The following KIAA1217 variants were observed in gnomAD, a reference collection of about 807,000 sequenced individuals.
KIAA1217 encodes sickle tail protein homolog.
A neutral mutation model predicts 163.9 loss-of-function variants in KIAA1217; 88 were observed. That is an observed-to-expected ratio of 0.54 (90% CI 0.45 to 0.64). The LOEUF (loss-of-function observed/expected upper bound fraction) is 0.64, where lower values mean the gene tolerates loss of function less well. Ranked by LOEUF, KIAA1217 falls within the 30% of genes least tolerant of loss-of-function variation. The probability of loss-of-function intolerance (pLI) is 0.00; values close to 1 mark genes in which losing one functional copy is unlikely to be tolerated. For missense variants in KIAA1217, 2,372 were observed against 2,475.0 expected, an observed-to-expected ratio of 0.96 and a Z score of 0.88; for synonymous variants, 903 against 923.1, an observed-to-expected ratio of 0.98 and a Z score of 0.39.
chr10:23,732,281 T>C (rs1838520159), intron 1 of KIAA1217, among the ~76,000 whole-genome samples: 1 of 152,120 alleles, frequency 6.6e-6, no homozygotes. Context: ...AAAAGATATA[T>C]AGTTGGCCCT....
chr10:23,819,288 C>A (rs1263085026), intron 1 of KIAA1217, among the ~76,000 whole-genome samples: 1 of 152,126 alleles, frequency 6.6e-6, no homozygotes, highest in Non-Finnish European at 1.5e-5. Context: ...ACAATGTAAG[C>A]AGAACTGTTG....
intron 2 of KIAA1217, among the ~76,000 whole-genome samples, chr10:24,028,392 C>A (rs991641220): frequency 6.6e-6 from 1 of 152,014 alleles, no homozygotes; most frequent in African/African-American, 2.4e-5. Context: ...TACATACATA[C>A]ATAAATCTCA....
chr10:23,780,642 T>G (rs1404672192), intron 1 of KIAA1217, among the ~76,000 whole-genome samples: 1 of 152,150 alleles, frequency 6.6e-6, no homozygotes, highest in Non-Finnish European at 1.5e-5. Flanking sequence ...TTTCTTAAGG[T>G]TAAATAATTT....
chr10:24,538,646 G>T (rs149689489), intron 17 of KIAA1217, among the ~76,000 whole-genome samples: 1 of 137,826 alleles, frequency 7.3e-6, no homozygotes, highest in Non-Finnish European at 1.5e-5. Flanking sequence ...AAAAAGAGAG[G>T]AAGGGAGGGA....
intron 3 of KIAA1217, among the ~76,000 whole-genome samples, chr10:24,383,678 C>T (rs757191799): frequency 7.2e-5 from 11 of 152,136 alleles, no homozygotes; most frequent in Non-Finnish European, 1.3e-4. Flanking sequence ...AACAAAGGAA[C>T]ACAGTAAGAG....
At chr10:24,491,184 G>C (rs1348210432) in intron 6 of KIAA1217, among the ~76,000 whole-genome samples, 7 of 146,792 alleles carry the variant, frequency 4.8e-5, no homozygotes, top group African/African-American at 1.8e-4. Context: ...CGTGGTCTGT[G>C]TTGTGACATT....
chr10:24,025,866 C>T (rs1256018225), intron 2 of KIAA1217, among the ~76,000 whole-genome samples: 1 of 151,770 alleles, frequency 6.6e-6, no homozygotes, highest in Non-Finnish European at 1.5e-5. Flanking sequence ...TCTTCCGTGA[C>T]CTTACTAAAC....
At chr10:23,813,797 C>A (rs1017043573) in intron 1 of KIAA1217, among the ~76,000 whole-genome samples, 1 of 152,098 alleles carries the variant, frequency 6.6e-6, no homozygotes, top group African/African-American at 2.4e-5. Flanking sequence ...AGACTGCATG[C>A]AAATTGTTTT....
At chr10:24,140,114 C>G (rs888709844) in intron 2 of KIAA1217, among the ~76,000 whole-genome samples, 2 of 151,910 alleles carry the variant, frequency 1.3e-5, no homozygotes, top group Non-Finnish European at 2.9e-5. Flanking sequence ...AATCCCAGCA[C>G]TTTGGGAGGC....
intron 1 of KIAA1217, among the ~76,000 whole-genome samples, chr10:23,845,668 T>TC (rs1447488281): frequency 2.0e-5 from 3 of 152,224 alleles, no homozygotes; most frequent in Non-Finnish European, 4.4e-5. Flanking sequence ...AAAAAATTTC[T>TC]CCCATTCTGT....
intron 1 of KIAA1217, among the ~76,000 whole-genome samples, chr10:23,696,184 C>T (rs1184504640): frequency 3.2e-4 from 48 of 152,350 alleles, no homozygotes; most frequent in Non-Finnish European, 4.4e-5. Context: ...CTTTAACTGA[C>T]CCTACTTCTC....
intron 1 of KIAA1217, among the ~76,000 whole-genome samples, chr10:23,936,789 A>T (rs1014006631): frequency 1.1e-4 from 16 of 152,304 alleles, no homozygotes; most frequent in African/African-American, 3.6e-4. Flanking sequence ...ACAGTTTGTG[A>T]TAATTTGTTA....
chr10:23,708,795 A>T (rs1467658761), intron 1 of KIAA1217, among the ~76,000 whole-genome samples: 1 of 152,180 alleles, frequency 6.6e-6, no homozygotes, highest in Non-Finnish European at 1.5e-5. Flanking sequence ...TGGATGAAGA[A>T]GATGACTCTT....
intron 4 of KIAA1217, among the ~76,000 whole-genome samples, chr10:24,435,331 T>G (rs1273698611): frequency 6.6e-6 from 1 of 152,230 alleles, no homozygotes; most frequent in African/African-American, 2.4e-5. Flanking sequence ...TTTTTTGCAT[T>G]CACAAAGCGT....
At chr10:23,793,284 C>T (rs1836045245) in intron 1 of KIAA1217, among the ~76,000 whole-genome samples, 1 of 152,166 alleles carries the variant, frequency 6.6e-6, no homozygotes, top group Non-Finnish European at 1.5e-5. Context: ...CCTTTCTACT[C>T]ATGGCACAGC....
chr10:23,781,225 T>G (rs1027677074), intron 1 of KIAA1217, among the ~76,000 whole-genome samples: 1 of 152,194 alleles, frequency 6.6e-6, no homozygotes, highest in Non-Finnish European at 1.5e-5. Flanking sequence ...TTCTTACTCC[T>G]ACCAACAATG....
chr10:23,740,235 T>G (rs1839033232), intron 1 of KIAA1217, among the ~76,000 whole-genome samples: 1 of 152,206 alleles, frequency 6.6e-6, no homozygotes, highest in South Asian at 2.1e-4. Flanking sequence ...AATAGATATG[T>G]TGGCATTTTC....
Position 24,542,781 on chromosome 10 carries a change from C to G in KIAA1217, c.3612+11C>G. 6.2e-7 allele frequency: 1 copy of G among 1,613,456 alleles called. No individual in the cohort carries two copies. The highest frequency in any genetic ancestry group is 8.5e-7 in the Non-Finnish European group (1 of 1,179,446). ...ATGGAATTCCAAAAGGTGAGTTCACCAGATCTGGGTTCCGACCAATACCAT... is the reference window on the plus strand; with the variant it reads ...ATGGAATTCCAAAAGGTGAGTTCACGAGATCTGGGTTCCGACCAATACCAT... On this transcript the variant is annotated intron_variant, in intron 18 of 20. Transcript: ENST00000376454.
intron 6 of KIAA1217, chr10:24,483,024 A>G (rs1320622974): frequency 6.6e-6 from 1 of 152,504 alleles, no homozygotes; most frequent in African/African-American, 2.4e-5. Context: ...TGTCTCAAAA[A>G]AAAAAAAAAA....
Sources: gnomAD v4.1 joint callset for allele counts (sites outside exome capture counted in the v4.1 genomes callset) on GRCh38, gnomAD v4.1.1 for gene constraint, MANE v1.5 for transcripts, NCBI Gene and HGNC (gene_info 2026-07-23, HGNC 2026-07-21) for gene names.